Variants in HERC1 observed in about 807,000 individuals in gnomAD.
HERC1 encodes the protein HECT and RLD domain containing E3 ubiquitin protein ligase family member 1, also known as probable E3 ubiquitin-protein ligase HERC1.
Under a neutral mutation model 554.3 loss-of-function variants are expected in HERC1, and 160 were observed. That is an observed-to-expected ratio of 0.29 (90% CI 0.25 to 0.33). The LOEUF is 0.33. Ranked by LOEUF, HERC1 falls within the 10% of genes least tolerant of loss-of-function variation. HERC1 has a pLI of 1.00. For missense variants in HERC1, 4,919 were observed against 5,918.5 expected (o/e 0.83, Z 5.54); for synonymous variants, 2,175 against 2,131.7 (o/e 1.02, Z -0.56).
intron 19 of HERC1, among the ~76,000 whole-genome samples, chr15:63,722,843 G>A (rs1436582204): frequency 6.6e-6 from 1 of 152,036 alleles, no homozygotes. Flanking sequence ...TATAAGGTAC[G>A]GTACTACCTG....
intron 6 of HERC1, among the ~76,000 whole-genome samples, chr15:63,755,014 T>C (rs1041210989): frequency 2.0e-5 from 3 of 152,196 alleles, no homozygotes; most frequent in African/African-American, 7.2e-5. Context: ...CTGGTCATAA[T>C]AGGGCACACT....
At chr15:63,788,258 T>C (rs912701574) in intron 1 of HERC1, among the ~76,000 whole-genome samples, 2 of 152,204 alleles carry the variant, frequency 1.3e-5, no homozygotes, top group African/African-American at 4.8e-5. Flanking sequence ...CAGCATCTGA[T>C]ACCTATATGC....
chr15:63,798,305 C>T (rs1387537894), intron 1 of HERC1, among the ~76,000 whole-genome samples: 1 of 152,180 alleles, frequency 6.6e-6, no homozygotes, highest in African/African-American at 2.4e-5. Context: ...CCCCAAATGA[C>T]TACTCAGTGC....
intron 17 of HERC1, 76 bp from the exon 18 acceptor site, chr15:63,725,589 C>T (rs1325574675): frequency 6.1e-6 from 7 of 1,138,912 alleles, no homozygotes; most frequent in Non-Finnish European, 9.1e-6. Context: ...TAGTCTCCTA[C>T]CGTACTGCAA....
At chr15:63,827,141 T>C (rs907634278) in intron 1 of HERC1, among the ~76,000 whole-genome samples, 4 of 152,216 alleles carry the variant, frequency 2.6e-5, no homozygotes, top group African/African-American at 7.2e-5. Context: ...TAAAAAAGAA[T>C]AGGCTGGGTG....
chr15:63,719,181 G>A (rs1323573886), intron 19 of HERC1, among the ~76,000 whole-genome samples: 1 of 152,160 alleles, frequency 6.6e-6, no homozygotes, highest in Admixed American at 6.5e-5. Context: ...GTGCTATGAG[G>A]GAAAATAAAG....
rs1566984539 is a variant in HERC1, at chr15:63,661,776, T to C, written c.9147A>G (p.Lys3049=). 1 of 1,613,870 alleles carries C rather than the reference T, an allele frequency of 6.2e-7. No homozygotes were observed. The highest frequency in any genetic ancestry group is 2.2e-5 in the East Asian group (1 of 44,892). The part of the protein sequence containing the change: ...CREKYLAMKT[K]SKSTSSERYK... ...ACCTTTCAGAACTTGTTGACTTAGA[T>C]TTGGTCTTCATGGCTAAGTACTTCT... Residue 3049 remains lysine, a synonymous_variant, in exon 45 of 78, where the codon AAA becomes AAG. Transcript: ENST00000443617.
chr15:63,712,949 A>T (rs1489992156), intron 23 of HERC1, 54 bp from the exon 24 acceptor site: 7 of 1,515,854 alleles, frequency 4.6e-6, no homozygotes, highest in Middle Eastern at 1.7e-4. Flanking sequence ...GTTAGTGAAC[A>T]TAAAATTGAA....
chr15:63,622,760 T>C (rs2068139361), intron 74 of HERC1, 55 bp downstream of exon 74: 1 of 1,338,378 alleles, frequency 7.5e-7, no homozygotes, highest in South Asian at 1.3e-5. Context: ...ACTCAATAAA[T>C]GTGAGCTATT....
intron 1 of HERC1, among the ~76,000 whole-genome samples, chr15:63,800,653 T>C (rs1045196525): frequency 6.6e-6 from 1 of 152,244 alleles, no homozygotes; most frequent in South Asian, 2.1e-4. Context: ...TTTACCTTCA[T>C]AGCACCTTGC....
At chr15:63,722,654 T>C (rs957648328) in intron 19 of HERC1, among the ~76,000 whole-genome samples, 1 of 152,210 alleles carries the variant, frequency 6.6e-6, no homozygotes, top group Non-Finnish European at 1.5e-5. Context: ...AGTGATTGTG[T>C]TCAAGTAACC....
intron 1 of HERC1, among the ~76,000 whole-genome samples, chr15:63,823,118 C>T (rs1408237249): frequency 6.6e-6 from 1 of 152,012 alleles, no homozygotes; most frequent in Non-Finnish European, 1.5e-5. Flanking sequence ...AAGCCTAGTA[C>T]CCATTAGTTA....
At chr15:63,820,620 A>T (rs974113644) in intron 1 of HERC1, among the ~76,000 whole-genome samples, 5 of 152,236 alleles carry the variant, frequency 3.3e-5, no homozygotes, top group Admixed American at 6.5e-5. Flanking sequence ...TTCCATAAAT[A>T]CTACTGTATT....
chr15:63,768,296 T>G (rs1479753349), intron 2 of HERC1, among the ~76,000 whole-genome samples: 1 of 152,252 alleles, frequency 6.6e-6, no homozygotes, highest in Non-Finnish European at 1.5e-5. Context: ...ATACAGATCC[T>G]AATCAGTAAG....
chr15:63,725,903 T>G (rs150939207), intron 17 of HERC1, among the ~76,000 whole-genome samples: 2,016 of 152,192 alleles, frequency 0.013, 23 homozygotes, highest in East Asian at 0.023. Context: ...CATTCAAGAT[T>G]GTTTAATGCT....
intron 77 of HERC1, among the ~76,000 whole-genome samples, 172 bp from the exon 78 acceptor site, chr15:63,609,438 G>A (rs549291083): frequency 5.9e-5 from 9 of 152,350 alleles, no homozygotes; most frequent in South Asian, 4.1e-4. Flanking sequence ...CTACTGCCCC[G>A]TGGCCCTCGA....
At chr15:63,638,880 G>C in intron 61 of HERC1, 104 bp from the exon 62 acceptor site, 1 of 792,964 alleles carries the variant, frequency 1.3e-6, no homozygotes. Flanking sequence ...TTCCAAAAAA[G>C]AATATGGTAA....
rs2072875647 is a variant in HERC1 at position 63,704,099 on chromosome 15, GAC to G, written c.4636+2679_4636+2680del. Reference sequence around the variant, plus strand: ...TGGCTTAAGGCATCTGGTCTATACTGACAAAAAAGGAAAAAAAATACAGTCAT... The same window carrying G: ...TGGCTTAAGGCATCTGGTCTATACTGAAAAAAGGAAAAAAAATACAGTCAT... On this transcript the variant is annotated intron_variant, in intron 25 of 77. Transcript: ENST00000443617. Among the ~76,000 whole-genome samples the G allele has an allele frequency of 2.6e-5, 4 of 151,300 alleles. No homozygotes were observed. The South Asian group carries it at 8.3e-4, about 31-fold the overall frequency.
intron 11 of HERC1, 56 bp from the exon 12 acceptor site, chr15:63,747,139 C>T: frequency 6.7e-7 from 1 of 1,495,970 alleles, no homozygotes; most frequent in Non-Finnish European, 9.1e-7. Context: ...CTGTGCTATC[C>T]AGTTTGGGTA....
Sources: allele counts gnomAD v4.1 joint callset (sites outside exome capture counted in the v4.1 genomes callset), GRCh38; gene constraint gnomAD v4.1.1; transcripts MANE v1.5; gene names NCBI Gene and HGNC (gene_info 2026-07-23, HGNC 2026-07-21).